WDR12: variants seen among roughly 807,000 people sequenced by gnomAD.
The protein encoded by WDR12 is WD repeat domain 12.
In WDR12, 42 loss-of-function variants were observed where a neutral mutation model predicts 64.3. The observed-to-expected ratio is 0.65, with a 90% CI of 0.51 to 0.84. The LOEUF (loss-of-function observed/expected upper bound fraction) is 0.84. Ranked by LOEUF, WDR12 falls within the 40% of genes least tolerant of loss-of-function variation. WDR12 has a pLI of 0.00. For missense variants in WDR12, 469 were observed against 494.6 expected (o/e 0.95, Z 0.49); for synonymous variants, 158 against 173.3 (o/e 0.91, Z 0.70).
At position 202,877,256 on chromosome 2, in the gene WDR12, T is replaced by C. The variant is rs1687874679; in HGVS notation, c.*3604A>G. 6.6e-6 allele frequency: 1 copy of C among 151,132 alleles called. No individual in the cohort carries two copies. Among genetic ancestry groups the C allele is most frequent in the African/African-American group, 2.4e-5 (1 of 41,396 alleles). 9.4% of individuals were successfully genotyped at this position (151,132 alleles called of 1,614,324 possible). ...GTTGACAACAGTTCCAAAATGGTAA[T>C]TCCAAATTCAAAGGAAAAGAAAATA... On this transcript the variant is annotated 3_prime_UTR_variant, in exon 13 of 13. Coordinates refer to ENST00000261015, the MANE Select transcript of WDR12 (RefSeq NM_018256.4).
chr2:202,884,652 A>G, intron 8 of WDR12, 117 bp from the exon 9 acceptor site: 1 of 997,134 alleles, frequency 1.0e-6, no homozygotes, highest in Non-Finnish European at 1.4e-6. Context: ...CATCTTTCAT[A>G]TCCTGACTTA....
At chr2:202,892,152 CT>C (rs1688167668) in intron 8 of WDR12, among the ~76,000 whole-genome samples, 1 of 152,144 alleles carries the variant, frequency 6.6e-6, no homozygotes, top group Admixed American at 6.6e-5. Flanking sequence ...CTGAGTTTGA[CT>C]TAATGGAATC....
chr2:202,882,862 T>A (rs1354813117), intron 11 of WDR12, 79 bp from the exon 12 acceptor site: 2 of 1,466,872 alleles, frequency 1.4e-6, no homozygotes, highest in African/African-American at 2.8e-5. Flanking sequence ...TATACTTATC[T>A]GAAAACTTTA....
At chr2:202,890,159 G>T (rs1688128786) in intron 8 of WDR12, among the ~76,000 whole-genome samples, 2 of 152,060 alleles carry the variant, frequency 1.3e-5, no homozygotes, top group South Asian at 4.1e-4. Flanking sequence ...GTCTGGGGAG[G>T]CTGAGGCTGC....
intron 3 of WDR12, among the ~76,000 whole-genome samples, chr2:202,900,037 A>C (rs1157506923): frequency 6.6e-6 from 1 of 152,212 alleles, no homozygotes; most frequent in Admixed American, 6.5e-5. Context: ...AAGGAATATA[A>C]GAAAGCCTTA....
At chr2:202,903,316 T>C (rs975656412) in intron 2 of WDR12, among the ~76,000 whole-genome samples, 2 of 152,090 alleles carry the variant, frequency 1.3e-5, no homozygotes, top group Non-Finnish European at 2.9e-5. Context: ...AATTCATATA[T>C]AATAGACCCC....
At chr2:202,894,783 T>TA (rs999949596) in intron 6 of WDR12, 157 bp from the exon 7 acceptor site, 28 of 529,428 alleles carry the variant, frequency 5.3e-5, no homozygotes, top group Non-Finnish European at 7.4e-5. Flanking sequence ...GGACAGAACA[T>TA]AAAATCTGGG....
intron 8 of WDR12, 21 bp downstream of exon 8, chr2:202,892,596 T>C: frequency 6.3e-7 from 1 of 1,584,226 alleles, no homozygotes; most frequent in East Asian, 2.3e-5. Flanking sequence ...GCAAGTACAG[T>C]CAGTTCTCAC....
intron 2 of WDR12, among the ~76,000 whole-genome samples, chr2:202,906,947 C>T (rs972502765): frequency 2.0e-5 from 3 of 151,108 alleles, no homozygotes; most frequent in African/African-American, 7.3e-5. Context: ...CACCTATCAC[C>T]AAACTTCAAC....
At chr2:202,882,481 ACCATGCCCGGCTAATTT>A (rs1275505702) in intron 12 of WDR12, among the ~76,000 whole-genome samples, 1 of 152,054 alleles carries the variant, frequency 6.6e-6, no homozygotes, top group Non-Finnish European at 1.5e-5. Context: ...GGCGCCCGCC[ACCATGCCCGGCTAATTT>A]TTTGTGTTTT....
At chr2:202,897,952 G>C (rs1688282236) in intron 4 of WDR12, among the ~76,000 whole-genome samples, 1 of 128,002 alleles carries the variant, frequency 7.8e-6, no homozygotes, top group Admixed American at 8.4e-5. Flanking sequence ...TATATACATA[G>C]TATAAAATTA....
At chr2:202,892,735 A>T (rs759613834) in intron 7 of WDR12, 33 bp from the exon 8 acceptor site, 8 of 1,506,620 alleles carry the variant, frequency 5.3e-6, no homozygotes, top group Non-Finnish European at 7.4e-6. Flanking sequence ...TGACATTTTA[A>T]AAACAGTATT....
intron 8 of WDR12, among the ~76,000 whole-genome samples, chr2:202,890,996 T>TAAAAAAAAAAA (rs71030997): frequency 7.2e-5 from 8 of 111,126 alleles, no homozygotes; most frequent in Non-Finnish European, 1.0e-4. Flanking sequence ...TTTGTCTCTT[T>TAAAAAAAAAAA]AAAAAAAAAA....
At chr2:202,891,160 T>C (rs1688150478) in intron 8 of WDR12, among the ~76,000 whole-genome samples, 1 of 152,094 alleles carries the variant, frequency 6.6e-6, no homozygotes. Context: ...TGGTAAGGCA[T>C]TTCTAGCTTT....
Position 202,896,005 on chromosome 2 carries a change from G to A in WDR12, c.609+60C>T. ...ACAATGAATATATGCAGAAGAAAATGTTTAGCAACAAGCTCAAATTCAAAT... is the reference window on the plus strand; with the variant it reads ...ACAATGAATATATGCAGAAGAAAATATTTAGCAACAAGCTCAAATTCAAAT... On this transcript the variant is annotated intron_variant, in intron 6 of 12. Transcript: ENST00000261015. 4 of 1,566,846 alleles carry A rather than the reference G, an allele frequency of 2.6e-6. No individual in the cohort carries two copies. The South Asian group carries it at 3.6e-5, about 14-fold the overall frequency.
intron 4 of WDR12, among the ~76,000 whole-genome samples, chr2:202,898,911 C>T (rs368223239): frequency 2.1e-5 from 3 of 142,022 alleles, no homozygotes; most frequent in African/African-American, 8.0e-5. Flanking sequence ...CAGGAGTTTG[C>T]GACCAGCCTG....
At chr2:202,910,981 C>A (rs1051311226) in intron 1 of WDR12, among the ~76,000 whole-genome samples, 1 of 152,128 alleles carries the variant, frequency 6.6e-6, no homozygotes, top group African/African-American at 2.4e-5. Flanking sequence ...CAGGCAAACA[C>A]AAAGAAAGCT....
At chr2:202,903,086 A>C (rs532661152) in intron 2 of WDR12, among the ~76,000 whole-genome samples, 18 of 152,218 alleles carry the variant, frequency 1.2e-4, no homozygotes, top group African/African-American at 4.3e-4. Context: ...CTCAAAAAAA[A>C]CCAAAAAAAC....
intron 1 of WDR12, among the ~76,000 whole-genome samples, chr2:202,908,170 C>T (rs1320314003): frequency 6.6e-6 from 1 of 152,156 alleles, no homozygotes; most frequent in Non-Finnish European, 1.5e-5. Context: ...TATATAAGAA[C>T]AATGCCATTA....
Sources: gnomAD v4.1 joint callset for allele counts (sites outside exome capture counted in the v4.1 genomes callset) on GRCh38, gnomAD v4.1.1 for gene constraint, MANE v1.5 for transcripts, NCBI Gene and HGNC (gene_info 2026-07-23, HGNC 2026-07-21) for gene names.